The following PHACTR2 variants were observed in gnomAD, a reference collection of about 807,000 sequenced individuals.
PHACTR2 encodes the protein chromosome 6 open reading frame 56.
Under a neutral mutation model 76.0 loss-of-function variants are expected in PHACTR2, and 30 were observed. That is an observed-to-expected ratio of 0.39 (90% CI 0.30 to 0.54). The LOEUF (loss-of-function observed/expected upper bound fraction) is 0.54, where lower values mean the gene tolerates loss of function less well. Among genes scored for constraint, PHACTR2 ranks in the 20% least tolerant of loss-of-function variants. PHACTR2 has a pLI of 0.61. For synonymous variants in PHACTR2, 292 were observed against 292.5 expected (o/e 1.00, Z 0.02); for missense variants, 696 against 781.1 (o/e 0.89, Z 1.30).
chr6:143,603,481 T>C (rs1775836253), upstream of PHACTR2, among the ~76,000 whole-genome samples: 1 of 150,500 alleles, frequency 6.6e-6, no homozygotes, highest in African/African-American at 2.4e-5. Flanking sequence ...GCAAACGTTA[T>C]CCAGAAATTC....
rs2128477993 is a variant in PHACTR2, at chr6:143,783,277, A to G, written c.1704A>G (p.Arg568=). 2 of 1,592,982 alleles carry G rather than the reference A, an allele frequency of 1.3e-6. No homozygotes were observed. Among genetic ancestry groups the G allele is most frequent in the Non-Finnish European group, 1.7e-6 (2 of 1,161,366 alleles). ...TGGAACTTAAACGCAGACTCAGCAG[A>G]AAGGTAATGAAATCATAACTATTAA... ...AKMELKRRLS[R]KLSLRPTVAE... is the part of the protein sequence containing the mutation. The change falls in exon 10 of 13, where the codon AGA becomes AGG. Residue 568 remains arginine, a synonymous_variant. Transcript: ENST00000440869. This position sits in a 1 kb window ranked among gnomAD's most constrained non-coding sequence, Gnocchi z 5.2.
Position 143,709,260 on chromosome 6 carries a change from C to T in PHACTR2, c.47-2756C>T, listed in dbSNP as rs139943022. Among the ~76,000 whole-genome samples, 2 of 152,188 alleles carry T rather than the reference C, an allele frequency of 1.3e-5. No homozygotes were observed. The highest frequency in any genetic ancestry group is 1.9e-4 in the East Asian group (1 of 5,202). On this transcript the variant is annotated intron_variant, in intron 1 of 12. Transcript: ENST00000440869. This position sits in a 1 kb window ranked among gnomAD's most constrained non-coding sequence, Gnocchi z 4.4. Reference sequence around the variant, plus strand: ...AACCACTTTCAGAAGAATCAGTTAGCGTAGGACTTGAATCTCCAATTTTCC... The same window carrying T: ...AACCACTTTCAGAAGAATCAGTTAGTGTAGGACTTGAATCTCCAATTTTCC...
chr6:143,817,457 G>T (rs896485489), intron 12 of PHACTR2, among the ~76,000 whole-genome samples: 3 of 152,184 alleles, frequency 2.0e-5, no homozygotes, highest in Non-Finnish European at 4.4e-5. Flanking sequence ...TATGGACAAT[G>T]CTGGTGTGCC....
In PHACTR2 at chr6:143,551,890, C is replaced by T. The variant is rs898447641; in HGVS notation, c.217+14683C>T. 5.9e-5 allele frequency among the ~76,000 whole-genome samples: 9 copies of T among 152,082 alleles called. No individual in the cohort carries two copies. In the South Asian group the frequency reaches 6.2e-4, roughly 11 times the overall value. The stretch of plus-strand genomic sequence containing the variant: ...CTTGCTGGTTGGATTAATAATGTGA[C>T]CATTTATTATTGCCTTGGGTATCAC... On this transcript the variant is annotated intron_variant, in intron 1 of 11. Coordinates refer to the PHACTR2 transcript ENST00000367584.
At chr6:143,600,105 C>T (rs1775796606) in intron 1 of PHACTR2, among the ~76,000 whole-genome samples, 2 of 152,230 alleles carry the variant, frequency 1.3e-5, no homozygotes, top group Non-Finnish European at 1.5e-5. Context: ...GGCTGCCCGC[C>T]GTCCGGCCGG....
rs1307524569 is a variant in PHACTR2, at chr6:143,772,674, C to CGATGAGCTA, written c.1432+231_1432+239dup. Among the ~76,000 whole-genome samples the CGATGAGCTA allele has an allele frequency of 2.0e-5, 3 of 152,086 alleles. No homozygotes were observed. Among genetic ancestry groups the CGATGAGCTA allele is most frequent in the Non-Finnish European group, 4.4e-5 (3 of 68,030 alleles). On this transcript the variant is annotated intron_variant, in intron 7 of 12. Transcript: ENST00000440869. This position sits in a 1 kb window ranked among gnomAD's most constrained non-coding sequence, Gnocchi z 5.4. ...TCACATGGCTGGATCTGGCCTTTGT[C>CGATGAGCTA]GATGAGCTAGATGAGCTAGATGTGC...
In PHACTR2 at chr6:143,583,616, TAG is replaced by T. The variant is rs1346223793; in HGVS notation, c.217+46413_217+46414del. Among the ~76,000 whole-genome samples the T allele has an allele frequency of 6.6e-6, 1 of 152,256 alleles. No individual in the cohort carries two copies. The highest frequency in any genetic ancestry group is 6.5e-5 in the Admixed American group (1 of 15,288). On this transcript the variant is annotated intron_variant, in intron 1 of 11. Transcript: ENST00000367584. The surrounding 1 kb of genome is among the most constrained non-coding windows in gnomAD (Gnocchi z 4.0). Reference sequence around the variant, plus strand: ...AGTATGGAGAGAGCGAGGGCTAAAGTAGAGACTGTAGATATTATGTGCCTAAT... The same window carrying T: ...AGTATGGAGAGAGCGAGGGCTAAAGTAGACTGTAGATATTATGTGCCTAAT...
At chr6:143,788,685 A>C in intron 10 of PHACTR2, 88 bp from the exon 11 acceptor site, 1 of 964,796 alleles carries the variant, frequency 1.0e-6, no homozygotes, top group Non-Finnish European at 1.5e-6. Flanking sequence ...ATTTAACCAT[A>C]ACTTTGAAGT....
rs1777145360 is a variant in PHACTR2, at chr6:143,671,051, TC to T, written c.14-40962del. ...TTCAAGCAATTCTCCTGCCTCAGCC[TC>T]CCGAGTAGCTGGGATTACAGGAATG... is the stretch of plus-strand genomic sequence containing the variant. On this transcript the variant is annotated intron_variant, in intron 1 of 11. Transcript: ENST00000305766. The surrounding 1 kb of genome is among the most constrained non-coding windows in gnomAD (Gnocchi z 4.6). Among the ~76,000 whole-genome samples the T allele has an allele frequency of 6.6e-6, 1 of 151,850 alleles. No individual in the cohort carries two copies. The highest frequency in any genetic ancestry group is 1.5e-5 in the Non-Finnish European group (1 of 67,948).
rs959837744 is a variant in PHACTR2 at position 143,697,199 on chromosome 6, C to T, written c.47-14817C>T. On this transcript the variant is annotated intron_variant, in intron 1 of 12. Coordinates refer to ENST00000440869, the MANE Select transcript of PHACTR2 (RefSeq NM_001100164.2). This position sits in a 1 kb window ranked among gnomAD's most constrained non-coding sequence, Gnocchi z 4.4. ...CTGTTTTCTAAGAGATTCACATTCT[C>T]GTGTGTGATGCCTAAAGAGAATGGA... Among the ~76,000 whole-genome samples the T allele has an allele frequency of 1.3e-5, 2 of 152,144 alleles. No homozygotes were observed. Among genetic ancestry groups the T allele is most frequent in the South Asian group, 2.1e-4 (1 of 4,832 alleles).
chr6:143,796,980 C>A (rs1289498991), intron 11 of PHACTR2, among the ~76,000 whole-genome samples: 1 of 152,130 alleles, frequency 6.6e-6, no homozygotes, highest in African/African-American at 2.4e-5. Context: ...CTTGAGGAAT[C>A]GCCACACTGT....
At position 143,791,861 on chromosome 6, in the gene PHACTR2, C is replaced by A. The variant is rs1232129297; in HGVS notation, c.1845+2951C>A. 6.6e-6 allele frequency among the ~76,000 whole-genome samples: 1 copy of A among 151,992 alleles called. No homozygotes were observed. The highest frequency in any genetic ancestry group is 1.5e-5 in the Non-Finnish European group (1 of 67,990). On this transcript the variant is annotated intron_variant, in intron 11 of 12. Coordinates refer to ENST00000440869, the MANE Select transcript of PHACTR2 (RefSeq NM_001100164.2). The surrounding 1 kb of genome is among the most constrained non-coding windows in gnomAD (Gnocchi z 4.7). The stretch of plus-strand genomic sequence containing the variant: ...GTCAAAATGAGTTATTTTATACTAC[C>A]TTAGTACTATGAATTGAAGCAGCAA...
At chr6:143,714,875 T>C (rs1427988362) in intron 2 of PHACTR2, among the ~76,000 whole-genome samples, 1 of 152,202 alleles carries the variant, frequency 6.6e-6, no homozygotes, top group Non-Finnish European at 1.5e-5. Context: ...TTGATTTGAT[T>C]TGGTGGGAGG....
At position 143,549,718 on chromosome 6, in the gene PHACTR2, G is replaced by T. The variant is rs1775062092; in HGVS notation, c.217+12511G>T. ...CTGGCTGCCACTCCTCCCTTCTTCTGCACACGCCTACTTTAACAGTTGCTC... is the reference window on the plus strand; with the variant it reads ...CTGGCTGCCACTCCTCCCTTCTTCTTCACACGCCTACTTTAACAGTTGCTC... On this transcript the variant is annotated intron_variant, in intron 1 of 11. Transcript: ENST00000367584. The surrounding 1 kb of genome is among the most constrained non-coding windows in gnomAD (Gnocchi z 4.2). Among the ~76,000 whole-genome samples the T allele has an allele frequency of 6.6e-6, 1 of 152,056 alleles. No homozygotes were observed. The highest frequency in any genetic ancestry group is 3.4e-3 in the Middle Eastern group (1 of 294).
In PHACTR2 at chr6:143,624,958, C is replaced by T. The variant is rs1776228971; in HGVS notation, c.13+16636C>T. Among the ~76,000 whole-genome samples the T allele has an allele frequency of 6.6e-6, 1 of 152,048 alleles. No homozygotes were observed. Among genetic ancestry groups the T allele is most frequent in the African/African-American group, 2.4e-5 (1 of 41,390 alleles). On this transcript the variant is annotated intron_variant, in intron 1 of 11. Transcript: ENST00000305766. The surrounding 1 kb of genome is among the most constrained non-coding windows in gnomAD (Gnocchi z 4.6). ...ATCATTTGAGGTCAGGAGTACAAGA[C>T]CAGCCTGGTCAACATGGTGAAAACC...
At chr6:143,681,734 A>G (rs1035459355) in intron 1 of PHACTR2, among the ~76,000 whole-genome samples, 1 of 152,254 alleles carries the variant, frequency 6.6e-6, no homozygotes, top group Non-Finnish European at 1.5e-5. Flanking sequence ...CATTTAGGTC[A>G]GTAATACATT....
chr6:143,568,194 C>T (rs1775388823), intron 1 of PHACTR2, among the ~76,000 whole-genome samples: 1 of 152,122 alleles, frequency 6.6e-6, no homozygotes, highest in Admixed American at 6.5e-5. Context: ...GAATCCCAGA[C>T]CTGGTTTTGC....
rs1775573290 is a variant in PHACTR2, at chr6:143,581,613, C to T, written c.217+44406C>T. Among the ~76,000 whole-genome samples, 1 of 152,088 alleles carries T rather than the reference C, an allele frequency of 6.6e-6. No homozygotes were observed. Among genetic ancestry groups the T allele is most frequent in the Non-Finnish European group, 1.5e-5 (1 of 68,024 alleles). ...TGCTGCATGACAAATACGGATCACT[C>T]AAGTCCAGGAGTTTGAGACCAGGCT... is the stretch of plus-strand genomic sequence containing the variant. On this transcript the variant is annotated intron_variant, in intron 1 of 11. Coordinates refer to the PHACTR2 transcript ENST00000367584. The surrounding 1 kb of genome is among the most constrained non-coding windows in gnomAD (Gnocchi z 4.5).
At position 143,688,470 on chromosome 6, in the gene PHACTR2, G is replaced by C. The variant is rs994365429; in HGVS notation, c.46+10261G>C. Among the ~76,000 whole-genome samples the C allele has an allele frequency of 6.6e-6, 1 of 152,150 alleles. No individual in the cohort carries two copies. The highest frequency in any genetic ancestry group is 2.4e-5 in the African/African-American group (1 of 41,430). ...AAATGTGCAACTCCCTATTTGACAGGTCTGCTTGAAAACTTGTGGGCATCC... is the reference window on the plus strand; with the variant it reads ...AAATGTGCAACTCCCTATTTGACAGCTCTGCTTGAAAACTTGTGGGCATCC... On this transcript the variant is annotated intron_variant, in intron 1 of 12. Transcript: ENST00000440869. This position sits in a 1 kb window ranked among gnomAD's most constrained non-coding sequence, Gnocchi z 5.2.
Sources: allele counts gnomAD v4.1 joint callset (sites outside exome capture counted in the v4.1 genomes callset), GRCh38; gene constraint gnomAD v4.1.1; non-coding constraint Gnocchi (gnomAD v3.1); transcripts MANE v1.5; gene names NCBI Gene and HGNC (gene_info 2026-07-23, HGNC 2026-07-21).